Variants in EPHX4 observed in about 807,000 individuals in gnomAD.
EPHX4 encodes abhydrolase domain containing 7.
A neutral mutation model predicts 44.9 loss-of-function variants in EPHX4; 31 were observed. The observed-to-expected ratio is 0.69, with a 90% CI of 0.52 to 0.93. The LOEUF (loss-of-function observed/expected upper bound fraction) is 0.93, where lower values mean the gene tolerates loss of function less well. Ranked by LOEUF, EPHX4 falls within the 40% of genes least tolerant of loss-of-function variation. EPHX4 has a pLI of 0.00. For synonymous variants in EPHX4, 151 were observed against 159.7 expected (o/e 0.95, Z 0.41); for missense variants, 373 against 438.1 (o/e 0.85, Z 1.33).
chr1:92,053,429 C>T (rs1647300021), intron 6 of EPHX4, among the ~76,000 whole-genome samples: 1 of 151,980 alleles, frequency 6.6e-6, no homozygotes, highest in African/African-American at 2.4e-5. Context: ...GCCATGAATG[C>T]GAAGCCAGTG....
At chr1:92,043,454 TAAAAAAAAAA>T (rs1006918902) in intron 3 of EPHX4, 3 of 129,948 alleles carry the variant, frequency 2.3e-5, no homozygotes, top group African/African-American at 8.5e-5. Flanking sequence ...AGACTCTGTT[TAAAAAAAAAA>T]AAAAAAAAAA....
chr1:92,041,917 C>T (rs1688513922), intron 2 of EPHX4, among the ~76,000 whole-genome samples: 1 of 152,096 alleles, frequency 6.6e-6, no homozygotes, highest in South Asian at 2.1e-4. Flanking sequence ...GGTGTGGTGG[C>T]ACATGCCTGT....
chr1:92,036,406 C>G (rs895559043), intron 2 of EPHX4, among the ~76,000 whole-genome samples: 10 of 152,146 alleles, frequency 6.6e-5, no homozygotes. Flanking sequence ...GATTCTTGTC[C>G]TAGAATCATC....
At position 92,042,845 on chromosome 1, in the gene EPHX4, A is replaced by G. The variant is rs778961456; in HGVS notation, c.340A>G (p.Arg114Gly). ...EFWYSWRYQL[R>G]EFKSEYRVVA... The stretch of plus-strand genomic sequence containing the variant: ...CAGGTATTCTTGGCGTTACCAACTG[A>G]GAGAATTTAAAAGTGAATATCGAGT... Residue 114 changes from arginine (R) to glycine (G), a missense_variant, in exon 3 of 7, where the codon AGA (arginine) becomes GGA (glycine). Physicochemically the swap from Arg to Gly is moderately radical, Grantham distance 125. Coordinates refer to ENST00000370383, the MANE Select transcript of EPHX4 (RefSeq NM_173567.5). 7.4e-6 allele frequency: 12 copies of G among 1,611,826 alleles called. No homozygotes were observed. The highest frequency in any genetic ancestry group is 2.7e-5 in the African/African-American group (2 of 74,812).
intron 2 of EPHX4, among the ~76,000 whole-genome samples, chr1:92,034,529 A>T (rs908374923): frequency 1.3e-5 from 2 of 152,106 alleles, no homozygotes; most frequent in Non-Finnish European, 2.9e-5. Context: ...TATAATTCCT[A>T]GAATTCCAGC....
intron 6 of EPHX4, among the ~76,000 whole-genome samples, chr1:92,056,953 C>T (rs1246065445): frequency 6.6e-6 from 1 of 152,006 alleles, no homozygotes; most frequent in Non-Finnish European, 1.5e-5. Context: ...AGAAATTTGA[C>T]TTCTGAATAA....
chr1:92,036,085 A>G (rs1278264181), intron 2 of EPHX4, among the ~76,000 whole-genome samples: 3 of 152,244 alleles, frequency 2.0e-5, no homozygotes, highest in East Asian at 3.8e-4. Flanking sequence ...AACATTTTAA[A>G]TCATCATCCT....
chr1:92,037,102 A>G (rs1688449977), intron 2 of EPHX4, among the ~76,000 whole-genome samples: 1 of 152,246 alleles, frequency 6.6e-6, no homozygotes, highest in Non-Finnish European at 1.5e-5. Flanking sequence ...AATTTACATT[A>G]CAAATGTAAA....
At chr1:92,036,706 T>A (rs775605042) in intron 2 of EPHX4, among the ~76,000 whole-genome samples, 1 of 152,240 alleles carries the variant, frequency 6.6e-6, no homozygotes, top group Non-Finnish European at 1.5e-5. Flanking sequence ...CAAACGCAGA[T>A]AGCTCAGCTA....
At chr1:92,036,704 G>C (rs902667714) in intron 2 of EPHX4, among the ~76,000 whole-genome samples, 1 of 152,178 alleles carries the variant, frequency 6.6e-6, no homozygotes, top group Non-Finnish European at 1.5e-5. Flanking sequence ...TACAAACGCA[G>C]ATAGCTCAGC....
intron 2 of EPHX4, among the ~76,000 whole-genome samples, chr1:92,039,588 A>G (rs1688482533): frequency 6.6e-6 from 1 of 152,244 alleles, no homozygotes; most frequent in Non-Finnish European, 1.5e-5. Flanking sequence ...ATTTGTTACA[A>G]TCCACAGACA....
At chr1:92,051,792 A>G (rs982796453) in intron 5 of EPHX4, among the ~76,000 whole-genome samples, 1 of 152,220 alleles carries the variant, frequency 6.6e-6, no homozygotes, top group Non-Finnish European at 1.5e-5. Flanking sequence ...AATTAATTTT[A>G]GTATACATTA....
intron 2 of EPHX4, 62 bp from the exon 3 acceptor site, chr1:92,042,761 C>G: frequency 8.0e-6 from 8 of 998,442 alleles, no homozygotes; most frequent in Non-Finnish European, 1.1e-5. Flanking sequence ...AAAAGAAAAT[C>G]TGTAATGTTA....
intron 5 of EPHX4, 31 bp downstream of exon 5, chr1:92,050,451 T>TTAG: frequency 9.7e-7 from 1 of 1,032,696 alleles, no homozygotes; most frequent in Non-Finnish European, 1.4e-6. Context: ...AAATAATGTA[T>TTAG]TATTATTATT....
chr1:92,052,615 G>T lies in EPHX4; in HGVS notation c.814G>T (p.Gly272Ter). ...TTATATTTATGTCTTTTCTCAGCCT[G>T]GAGCATTAAGTGGCCCAATTAACCA... ...EAYIYVFSQP[G>*]ALSGPINHYR... The change falls in exon 6 of 7, where the codon GGA (glycine) becomes TGA (stop). Residue 272 changes from glycine (G) to a stop codon, truncating the protein, a stop_gained. Transcript: ENST00000370383. LOFTEE classifies it high-confidence loss of function. 1 of 1,612,132 alleles carries T rather than the reference G, an allele frequency of 6.2e-7. No individual in the cohort carries two copies. Among genetic ancestry groups the T allele is most frequent in the Non-Finnish European group, 8.5e-7 (1 of 1,179,378 alleles).
At chr1:92,046,617 C>G (rs891814990) in intron 4 of EPHX4, among the ~76,000 whole-genome samples, 1 of 152,114 alleles carries the variant, frequency 6.6e-6, no homozygotes, top group Non-Finnish European at 1.5e-5. Context: ...ACACCCGCCA[C>G]CATGCTTGGC....
intron 2 of EPHX4, among the ~76,000 whole-genome samples, chr1:92,036,278 C>T (rs143300268): frequency 6.6e-6 from 1 of 152,318 alleles, no homozygotes; most frequent in East Asian, 1.9e-4. Flanking sequence ...CAACCACTTT[C>T]ATACAGGGCA....
chr1:92,032,688 C>A, intron 2 of EPHX4, 98 bp downstream of exon 2: 1 of 1,030,140 alleles, frequency 9.7e-7, no homozygotes, highest in Non-Finnish European at 1.5e-6. Flanking sequence ...GTCTGGGTAA[C>A]TTAAAATGAA....
chr1:92,030,306 T>C lies in EPHX4; in HGVS notation c.227T>C (p.Ile76Thr). ...TTGGGCACCCACTGCTACGTGCGGA[T>C]CAAGGTGAAGGGCCGCGCGGGCCTG... Reference protein sequence around the residue: ...PSLGTHCYVRIKDSGLRFHYV... With the variant: ...PSLGTHCYVRTKDSGLRFHYV... The change falls in exon 1 of 7, where the codon ATC becomes ACC. Residue 76 changes from isoleucine (I) to threonine (T), a missense_variant. By Grantham distance (89) the Ile-to-Thr change is moderately conservative. Coordinates refer to ENST00000370383, the MANE Select transcript of EPHX4 (RefSeq NM_173567.5). The C allele has an allele frequency of 6.4e-7, 1 of 1,562,502 alleles. No homozygotes were observed. Among genetic ancestry groups the C allele is most frequent in the Non-Finnish European group, 8.7e-7 (1 of 1,155,446 alleles).
Sources: gnomAD v4.1 joint callset for allele counts (sites outside exome capture counted in the v4.1 genomes callset) on GRCh38, gnomAD v4.1.1 for gene constraint, MANE v1.5 for transcripts, NCBI Gene and HGNC (gene_info 2026-07-23, HGNC 2026-07-21) for gene names.